The following NLGN4X variants were observed in gnomAD, a reference collection of about 807,000 sequenced individuals.
NLGN4X encodes neuroligin 4 X-linked.
In NLGN4X, 3 loss-of-function variants were observed where a neutral mutation model predicts 40.3. The ratio of observed to expected loss-of-function variants is 0.07; its 90% CI spans 0.03 to 0.19. The LOEUF (loss-of-function observed/expected upper bound fraction) is 0.19. Ranked by LOEUF, NLGN4X falls within the 10% of genes least tolerant of loss-of-function variation. The probability of loss-of-function intolerance (pLI) is 1.00; values close to 1 mark genes in which losing one functional copy is unlikely to be tolerated. For synonymous variants in NLGN4X, 270 were observed against 306.8 expected (o/e 0.88, Z 1.25); for missense variants, 382 against 708.3 (o/e 0.54, Z 5.23).
Position 5,893,513 on chromosome X carries a change from C to A in NLGN4X, c.1755G>T (p.Thr585=). Residue 585 remains threonine (T), a synonymous_variant, in exon 6 of 6, where the codon ACG becomes ACT. Transcript: ENST00000381095. ...KPRVRDHYRA[T]KVAFWLELVP... is the part of the protein sequence containing the mutation. The stretch of plus-strand genomic sequence containing the variant: ...CGAGTTCCAACCAGAAAGCCACTTT[C>A]GTTGCCCGGTAGTGATCTCTCACTC... The A allele has an allele frequency of 8.3e-7, 1 of 1,207,265 alleles. No individual in the cohort carries two copies. Among genetic ancestry groups the A allele is most frequent in the Non-Finnish European group, 1.1e-6 (1 of 892,714 alleles).
intron 3 of NLGN4X, among the ~76,000 whole-genome samples, chrX:6,001,827 A>G (rs2035977549): frequency 8.9e-6 from 1 of 111,925 alleles, no homozygotes; most frequent in East Asian, 2.8e-4. Flanking sequence ...AAAATCCAAG[A>G]TAGAATACAT....
chrX:6,187,548 G>A (rs1487492699), intron 1 of NLGN4X: 1 of 112,490 alleles, frequency 8.9e-6, no homozygotes, highest in Non-Finnish European at 1.9e-5. Context: ...AGTGCCATTA[G>A]AAGAAGGTGG....
intron 2 of NLGN4X, among the ~76,000 whole-genome samples, chrX:6,033,168 T>C (rs2036916384): frequency 8.9e-6 from 1 of 112,204 alleles, no homozygotes; most frequent in Admixed American, 9.5e-5. Flanking sequence ...TAACATGTTG[T>C]AATTTAAATA....
chrX:5,910,780 C>A (rs761452984), intron 3 of NLGN4X, among the ~76,000 whole-genome samples: 130 of 111,389 alleles, frequency 1.2e-3, no homozygotes, highest in Non-Finnish European at 8.3e-4. Context: ...AAACTCCAAG[C>A]CTGAATCGGG....
intron 2 of NLGN4X, chrX:6,032,872 C>A: frequency 5.2e-6 from 2 of 383,786 alleles, no homozygotes; most frequent in Non-Finnish European, 8.4e-6. Flanking sequence ...AAGAATGTAA[C>A]ACAAAAAGTT....
At chrX:5,934,414 C>T (rs1160661214) in intron 3 of NLGN4X, among the ~76,000 whole-genome samples, 3 of 111,633 alleles carry the variant, frequency 2.7e-5, no homozygotes, top group Non-Finnish European at 5.6e-5. Context: ...AACAATCTGA[C>T]GATGTTGTAA....
intron 2 of NLGN4X, among the ~76,000 whole-genome samples, chrX:6,128,759 C>G (rs1306093970): frequency 2.7e-5 from 3 of 112,093 alleles, no homozygotes; most frequent in African/African-American, 9.7e-5. Context: ...CCCCAAACTT[C>G]AGCATCACAC....
At chrX:6,175,671 A>AAAAAAC (rs2040715597) in intron 1 of NLGN4X, among the ~76,000 whole-genome samples, 1 of 107,989 alleles carries the variant, frequency 9.3e-6, no homozygotes, top group African/African-American at 3.4e-5. Context: ...AAAAAAAAAA[A>AAAAAAC]AACAAGATAA....
chrX:6,044,285 C>A (rs978962367), intron 2 of NLGN4X, among the ~76,000 whole-genome samples: 4 of 110,844 alleles, frequency 3.6e-5, no homozygotes, highest in Non-Finnish European at 7.5e-5. Context: ...TCAACATAAG[C>A]ATAACTTAAG....
chrX:5,902,938 C>G lies in NLGN4X; in HGVS notation c.1601+139G>C, dbSNP rs758683416. On this transcript the variant is annotated intron_variant, in intron 5 of 5. Coordinates refer to ENST00000381095, the MANE Select transcript of NLGN4X (RefSeq NM_181332.3). The stretch of plus-strand genomic sequence containing the variant: ...TACTGCTGTGTGTGTAAGCGTGTGT[C>G]TGTGTGTATGTGTGTGCATGCATGT... 37 of 679,738 alleles carry G rather than the reference C, an allele frequency of 5.4e-5. No individual in the cohort carries two copies. In the East Asian group the frequency reaches 1.1e-3, roughly 21 times the overall value. The allele number at this position is 679,738 out of a possible 1,213,427, so 56.0% of individuals were successfully genotyped here.
Position 6,216,051 on chromosome X carries a change from A to G in NLGN4X, c.-306+12490T>C, listed in dbSNP as rs977477736. ...GCCACCACACCTGGCTAATTTTTGT[A>G]TTTTTAGTAGAGATGGGGTTTCACT... is the stretch of plus-strand genomic sequence containing the variant. On this transcript the variant is annotated intron_variant, in intron 1 of 5. Transcript: ENST00000381095. 5.4e-5 allele frequency among the ~76,000 whole-genome samples: 6 copies of G among 110,375 alleles called. No individual in the cohort carries two copies. In the Admixed American group the frequency reaches 5.8e-4, roughly 11 times the overall value.
chrX:5,892,899 T>G lies in NLGN4X; in HGVS notation c.2369A>C (p.Gln790Pro). 1 of 1,211,500 alleles carries G rather than the reference T, an allele frequency of 8.3e-7. No homozygotes were observed. Among genetic ancestry groups the G allele is most frequent in the Non-Finnish European group, 1.1e-6 (1 of 895,512 alleles). ...TMIPNTLTGM[Q>P]PLHTFNTFSG... The stretch of plus-strand genomic sequence containing the variant: ...GAAGGTGTTAAAAGTGTGCAAAGGC[T>G]GCATCCCCGTCAGTGTGTTTGGAAT... Residue 790 changes from glutamine (Q) to proline (P), a missense_variant, in exon 6 of 6, where the codon CAG becomes CCG. Coordinates refer to ENST00000381095, the MANE Select transcript of NLGN4X (RefSeq NM_181332.3).
chrX:6,182,070 G>A (rs1171088420), intron 1 of NLGN4X, among the ~76,000 whole-genome samples: 1 of 111,635 alleles, frequency 9.0e-6, no homozygotes, highest in Non-Finnish European at 1.9e-5. Context: ...CAATAACAGT[G>A]ACACGGAGGT....
At chrX:5,988,399 C>T (rs1213392885) in intron 3 of NLGN4X, among the ~76,000 whole-genome samples, 1 of 112,396 alleles carries the variant, frequency 8.9e-6, no homozygotes, top group Non-Finnish European at 1.9e-5. Context: ...TATCTAGCCA[C>T]ATGAAATATT....
intron 2 of NLGN4X, among the ~76,000 whole-genome samples, chrX:6,118,156 C>T (rs1247069166): frequency 9.1e-6 from 1 of 110,049 alleles, no homozygotes. Context: ...TCCTCTTCAT[C>T]CTTCTTTTTC....
chrX:6,078,980 C>T (rs1326705549), intron 2 of NLGN4X, among the ~76,000 whole-genome samples: 1 of 111,743 alleles, frequency 8.9e-6, no homozygotes, highest in African/African-American at 3.3e-5. Context: ...CCTTGCTCAG[C>T]ACTTCTCTCC....
chrX:6,056,293 T>C (rs2037624037), intron 2 of NLGN4X, among the ~76,000 whole-genome samples: 2 of 111,038 alleles, frequency 1.8e-5, no homozygotes, highest in South Asian at 3.8e-4. Context: ...CTGGCCAACA[T>C]GGCAAAACCC....
chrX:6,127,920 G>A (rs913456461), intron 2 of NLGN4X, among the ~76,000 whole-genome samples: 1 of 111,775 alleles, frequency 8.9e-6, no homozygotes, highest in Non-Finnish European at 1.9e-5. Flanking sequence ...TGATGGGTGG[G>A]TGCCAGTGGG....
At position 6,079,763 on chromosome X, in the gene NLGN4X, T is replaced by C. The variant is rs192795071; in HGVS notation, c.473-50331A>G. Among the ~76,000 whole-genome samples, 10 of 112,171 alleles carry C rather than the reference T, an allele frequency of 8.9e-5. No homozygotes were observed. The East Asian group carries it at 1.1e-3, about 13-fold the overall frequency. On this transcript the variant is annotated intron_variant, in intron 2 of 5. Coordinates refer to ENST00000381095, the MANE Select transcript of NLGN4X (RefSeq NM_181332.3). ...TGTGCTTATAATACCAAGGAAATAATTGGCATCATCCTGTGGGTCAGCTTC... is the reference window on the plus strand; with the variant it reads ...TGTGCTTATAATACCAAGGAAATAACTGGCATCATCCTGTGGGTCAGCTTC...
Sources: allele counts gnomAD v4.1 joint callset (sites outside exome capture counted in the v4.1 genomes callset), GRCh38; gene constraint gnomAD v4.1.1; transcripts MANE v1.5; gene names NCBI Gene and HGNC (gene_info 2026-07-23, HGNC 2026-07-21).